ZSWIM5: variants seen among roughly 807,000 people sequenced by gnomAD.
The protein encoded by ZSWIM5 is zinc finger SWIM-type containing 5.
In ZSWIM5, 55 loss-of-function variants were observed where a neutral mutation model predicts 119.6. The observed-to-expected ratio is 0.46, with a 90% CI of 0.37 to 0.58. The LOEUF is 0.58. Among genes scored for constraint, ZSWIM5 ranks in the 20% least tolerant of loss-of-function variants. ZSWIM5 has a pLI of 0.00. For missense variants in ZSWIM5, 1,193 were observed against 1,512.8 expected (o/e 0.79, Z 3.51); for synonymous variants, 537 against 606.9 (o/e 0.88, Z 1.69).
chr1:45,124,396 G>T (rs1645608926), intron 1 of ZSWIM5, among the ~76,000 whole-genome samples: 1 of 151,966 alleles, frequency 6.6e-6, no homozygotes. Context: ...ATCAACATCA[G>T]TATACTATGA....
chr1:45,196,917 T>C (rs1036427965), intron 1 of ZSWIM5, among the ~76,000 whole-genome samples: 1 of 152,174 alleles, frequency 6.6e-6, no homozygotes. Flanking sequence ...ACATTTAAAA[T>C]AGAGCCCAAG....
chr1:45,039,018 G>T lies in ZSWIM5; in HGVS notation c.1812C>A (p.His604Gln), dbSNP rs1348629903. The change falls in exon 8 of 14, where the codon CAC becomes CAA. Residue 604 changes from histidine (H) to glutamine (Q), a missense_variant. His to Gln is a conservative substitution (Grantham distance 24, BLOSUM62 0). Coordinates refer to ENST00000359600, the MANE Select transcript of ZSWIM5 (RefSeq NM_020883.2). The part of the protein sequence containing the change: ...TITNLEGWVG[H>Q]PLDPIDCLFL... ...ACAGGCAGTCGATGGGATCCAGGGGGTGGCCCACCCAGCCCTCCAGGTTTG... is the reference window on the plus strand; with the variant it reads ...ACAGGCAGTCGATGGGATCCAGGGGTTGGCCCACCCAGCCCTCCAGGTTTG... 1 of 1,614,154 alleles carries T rather than the reference G, an allele frequency of 6.2e-7. No homozygotes were observed. Among genetic ancestry groups the T allele is most frequent in the Non-Finnish European group, 8.5e-7 (1 of 1,180,024 alleles).
intron 1 of ZSWIM5, among the ~76,000 whole-genome samples, chr1:45,194,800 C>G (rs1342017835): frequency 1.3e-5 from 2 of 151,756 alleles, no homozygotes; most frequent in African/African-American, 2.4e-5. Flanking sequence ...TGGTGTGAAC[C>G]CAGGAGGCGG....
At position 45,206,247 on chromosome 1, in the gene ZSWIM5, C is replaced by T. The variant is rs765667969; in HGVS notation, c.104G>A (p.Gly35Asp). 5 of 1,585,170 alleles carry T rather than the reference C, an allele frequency of 3.2e-6. No homozygotes were observed. Among genetic ancestry groups the T allele is most frequent in the Middle Eastern group, 1.7e-4 (1 of 6,014 alleles). Residue 35 changes from glycine (G) to aspartate (D), a missense_variant, in exon 1 of 14, where the codon GGT (glycine) becomes GAT (aspartate). By Grantham distance (94) the Gly-to-Asp change is moderately conservative. Around this residue, in one of 2 missense-constraint regions of ZSWIM5, gnomAD observed 232 missense variants for 222.9 expected, o/e 1.04. Transcript: ENST00000359600. ...WPSPQAHHPR[G>D]SPGAAGGGAG... ...CCCTCCGCCGGCTGCCCCAGGCGAA[C>T]CGCGAGGGTGATGAGCCTGCGGGCT...
intron 1 of ZSWIM5, among the ~76,000 whole-genome samples, chr1:45,180,272 G>A (rs1297400541): frequency 6.6e-6 from 1 of 152,184 alleles, no homozygotes; most frequent in South Asian, 2.1e-4. Flanking sequence ...CGGCACACCA[G>A]GAGATTATAT....
At chr1:45,151,868 G>A (rs1264868669) in intron 1 of ZSWIM5, among the ~76,000 whole-genome samples, 2 of 152,156 alleles carry the variant, frequency 1.3e-5, no homozygotes, top group African/African-American at 4.8e-5. Context: ...TGACATACAT[G>A]AAACCATCAC....
chr1:45,087,843 A>T (rs1343944419), intron 2 of ZSWIM5, 38 bp downstream of exon 2: 1 of 1,499,248 alleles, frequency 6.7e-7, no homozygotes, highest in East Asian at 2.3e-5. Context: ...TGGTGATGAA[A>T]AAGACCTTTT....
intron 1 of ZSWIM5, among the ~76,000 whole-genome samples, chr1:45,169,083 G>C (rs1355736412): frequency 6.6e-6 from 1 of 151,872 alleles, no homozygotes; most frequent in East Asian, 1.9e-4. Flanking sequence ...CATCTCTTAC[G>C]CACTCTCTCA....
chr1:45,025,346 T>C lies in ZSWIM5; in HGVS notation c.2450-4558A>G, dbSNP rs576169097. 5.3e-5 allele frequency among the ~76,000 whole-genome samples: 8 copies of C among 152,336 alleles called. No individual in the cohort carries two copies. In the East Asian group the frequency reaches 1.5e-3, roughly 29 times the overall value. On this transcript the variant is annotated intron_variant, in intron 11 of 13. Coordinates refer to ENST00000359600, the MANE Select transcript of ZSWIM5 (RefSeq NM_020883.2). ...AAAGTTTAGAAAGGGTTTGTTGATA[T>C]GCACAAAATAAATTGCTGGGATTTT... is the stretch of plus-strand genomic sequence containing the variant.
At chr1:45,185,028 A>T (rs528935850) in intron 1 of ZSWIM5, among the ~76,000 whole-genome samples, 2 of 152,052 alleles carry the variant, frequency 1.3e-5, no homozygotes, top group Non-Finnish European at 2.9e-5. Flanking sequence ...ACCAAAACAG[A>T]ATGGTACTGG....
intron 2 of ZSWIM5, chr1:45,070,124 T>C: frequency 9.5e-7 from 1 of 1,055,178 alleles, no homozygotes; most frequent in African/African-American, 1.5e-5. Flanking sequence ...AGTCCAGGAT[T>C]ATGAAACCTA....
chr1:45,138,946 C>T (rs1645707547), intron 1 of ZSWIM5, among the ~76,000 whole-genome samples: 1 of 148,232 alleles, frequency 6.7e-6, no homozygotes, highest in Admixed American at 6.8e-5. Flanking sequence ...GGCTGGAGTG[C>T]AATGGAGTGA....
chr1:45,060,618 G>A (rs931534836), intron 2 of ZSWIM5, among the ~76,000 whole-genome samples: 1 of 152,092 alleles, frequency 6.6e-6, no homozygotes, highest in African/African-American at 2.4e-5. Context: ...GTTCAAATAT[G>A]CCTTACTAGG....
At chr1:45,126,033 A>C (rs1037712693) in intron 1 of ZSWIM5, among the ~76,000 whole-genome samples, 3 of 151,980 alleles carry the variant, frequency 2.0e-5, no homozygotes, top group Non-Finnish European at 4.4e-5. Flanking sequence ...GCACCGCTGC[A>C]CTCCAGCTTG....
intron 1 of ZSWIM5, among the ~76,000 whole-genome samples, chr1:45,160,338 A>G (rs1645855393): frequency 6.6e-6 from 1 of 152,176 alleles, no homozygotes; most frequent in Non-Finnish European, 1.5e-5. Context: ...TTTGAAATAT[A>G]CAATACATTG....
At chr1:45,115,997 A>C (rs1192717696) in intron 1 of ZSWIM5, among the ~76,000 whole-genome samples, 2 of 152,080 alleles carry the variant, frequency 1.3e-5, no homozygotes, top group Non-Finnish European at 2.9e-5. Context: ...AATCCCAGGC[A>C]CTCGCAGGCT....
At chr1:45,080,251 G>A (rs193152310) in intron 2 of ZSWIM5, among the ~76,000 whole-genome samples, 2 of 152,286 alleles carry the variant, frequency 1.3e-5, no homozygotes, top group Non-Finnish European at 2.9e-5. Context: ...GTTTATTTAA[G>A]GCCCCAGAGC....
chr1:45,086,016 A>G lies in ZSWIM5; in HGVS notation c.952+1865T>C, dbSNP rs1185779361. 2.6e-5 allele frequency among the ~76,000 whole-genome samples: 4 copies of G among 152,184 alleles called. No individual in the cohort carries two copies. In the South Asian group the frequency reaches 6.2e-4, roughly 24 times the overall value. ...AAAAATACCTGAGAATCGGTAATTT[A>G]TTTTTAAAAAAGAGGTTTAATTGGC... is the stretch of plus-strand genomic sequence containing the variant. On this transcript the variant is annotated intron_variant, in intron 2 of 13. Coordinates refer to ENST00000359600, the MANE Select transcript of ZSWIM5 (RefSeq NM_020883.2).
At chr1:45,153,653 G>A (rs1645811048) in intron 1 of ZSWIM5, among the ~76,000 whole-genome samples, 1 of 152,076 alleles carries the variant, frequency 6.6e-6, no homozygotes, top group Non-Finnish European at 1.5e-5. Context: ...GCAAAGACAT[G>A]GGATCAATCT....
Sources: gnomAD v4.1 joint callset for allele counts (sites outside exome capture counted in the v4.1 genomes callset) on GRCh38, gnomAD v4.1.1 for gene constraint, gnomAD v4.1.1 regional missense constraint, MANE v1.5 for transcripts, NCBI Gene and HGNC (gene_info 2026-07-23, HGNC 2026-07-21) for gene names.